DPYD: variants seen among roughly 807,000 people sequenced by gnomAD.
DPYD encodes the protein dihydropyrimidine dehydrogenase, also known as dihydropyrimidine dehydrogenase [NADP(+)].
DPYD carries 109 observed loss-of-function variants against 116.2 expected under a neutral mutation model. That is an observed-to-expected ratio of 0.94 (90% CI 0.80 to 1.10). The LOEUF (loss-of-function observed/expected upper bound fraction) is 1.10. Ranked by LOEUF, DPYD falls within the 50% of genes least tolerant of loss-of-function variation. DPYD has a pLI of 0.00. For synonymous variants in DPYD, 440 were observed against 432.0 expected (o/e 1.02, Z -0.23); for missense variants, 1,302 against 1,254.5 (o/e 1.04, Z -0.57).
intron 19 of DPYD, among the ~76,000 whole-genome samples, chr1:97,219,629 A>T (rs1660653017): frequency 6.6e-6 from 1 of 152,160 alleles, no homozygotes; most frequent in African/African-American, 2.4e-5. Flanking sequence ...GTAGCCCTAG[A>T]AGAGAGGAGA....
chr1:97,323,253 C>CA (rs1558029336), intron 16 of DPYD, among the ~76,000 whole-genome samples: 1,496 of 49,728 alleles, frequency 0.03, 619 homozygotes, highest in African/African-American at 0.04. Context: ...CATTTATATA[C>CA]TTATATACAT....
chr1:97,878,100 T>C (rs1672013585), intron 2 of DPYD, among the ~76,000 whole-genome samples: 1 of 152,012 alleles, frequency 6.6e-6, no homozygotes, highest in Non-Finnish European at 1.5e-5. Context: ...TCACCTCTCA[T>C]AGTGCTTATA....
intron 13 of DPYD, among the ~76,000 whole-genome samples, chr1:97,505,430 G>T (rs1351716534): frequency 6.7e-6 from 1 of 149,982 alleles, no homozygotes; most frequent in Non-Finnish European, 1.5e-5. Flanking sequence ...AATAAAGACA[G>T]TTCAAATGTG....
chr1:97,750,538 G>C (rs1030087125), intron 3 of DPYD, among the ~76,000 whole-genome samples: 3 of 152,104 alleles, frequency 2.0e-5, no homozygotes, highest in Non-Finnish European at 4.4e-5. Flanking sequence ...ACAAGACATA[G>C]ATGTTGACTA....
intron 7 of DPYD, among the ~76,000 whole-genome samples, chr1:97,681,462 G>A (rs1039629301): frequency 1.3e-5 from 2 of 152,058 alleles, no homozygotes; most frequent in African/African-American, 2.4e-5. Flanking sequence ...TTTTATATTG[G>A]CAGATATGGT....
chr1:97,602,565 T>C (rs1385144189), intron 8 of DPYD, among the ~76,000 whole-genome samples: 3 of 152,024 alleles, frequency 2.0e-5, no homozygotes, highest in Admixed American at 1.3e-4. Context: ...GGGTTCACCA[T>C]GCATTTTTGG....
intron 1 of DPYD, among the ~76,000 whole-genome samples, chr1:97,887,628 G>A (rs61787821): frequency 2.6e-5 from 4 of 151,796 alleles, no homozygotes; most frequent in Non-Finnish European, 4.4e-5. Flanking sequence ...ACAGAATTGT[G>A]TGATCCATAC....
At chr1:97,805,130 C>T (rs1268330582) in intron 3 of DPYD, among the ~76,000 whole-genome samples, 3 of 151,782 alleles carry the variant, frequency 2.0e-5, no homozygotes, top group African/African-American at 4.8e-5. Flanking sequence ...ATGTAGGAGA[C>T]CAACTAAAAG....
intron 20 of DPYD, among the ~76,000 whole-genome samples, chr1:97,136,038 C>T (rs887906641): frequency 2.0e-5 from 3 of 152,162 alleles, no homozygotes; most frequent in Non-Finnish European, 4.4e-5. Flanking sequence ...CGAGGAGTTA[C>T]TATCATTCCC....
rs527353147 is a variant in DPYD, at chr1:97,324,169, T to A, written c.2059-17872A>T. ...GCCTTTTCGTTTTTTGCCCATTTTCTAAGCCTGCTGTTCCTGCCTTCTTTG... is the reference window on the plus strand; with the variant it reads ...GCCTTTTCGTTTTTTGCCCATTTTCAAAGCCTGCTGTTCCTGCCTTCTTTG... On this transcript the variant is annotated intron_variant, in intron 16 of 22. Transcript: ENST00000370192. Among the ~76,000 whole-genome samples, 3 of 152,138 alleles carry A rather than the reference T, an allele frequency of 2.0e-5. No individual in the cohort carries two copies. In the East Asian group the frequency reaches 5.8e-4, roughly 30 times the overall value.
In DPYD at chr1:97,078,196, G is replaced by A. The variant is rs291593; in HGVS notation, c.*780C>T. ...TGACTATTAAAACCAGTCAGAGCCC[G>A]TATGTGCACAGCAAAAGAGTGGTAA... is the stretch of plus-strand genomic sequence containing the variant. On this transcript the variant is annotated 3_prime_UTR_variant, in exon 23 of 23. Coordinates refer to ENST00000370192, the MANE Select transcript of DPYD (RefSeq NM_000110.4). 0.29 allele frequency: 44,079 copies of A among 152,114 alleles called. 6,948 individuals are homozygous for A. The highest frequency in any genetic ancestry group is 0.61 in the East Asian group (3,133 of 5,154). The allele number at this position is 152,114 out of a possible 1,614,324, so 9.4% of individuals were successfully genotyped here. A position where few individuals can be genotyped will look rare whatever the true frequency, so the allele number is the denominator to read the frequency against.
chr1:97,515,720 T>C lies in DPYD; in HGVS notation c.1740+6A>G. The C allele has an allele frequency of 6.2e-7, 1 of 1,611,364 alleles. No individual in the cohort carries two copies. Among genetic ancestry groups the C allele is most frequent in the Non-Finnish European group, 8.5e-7 (1 of 1,178,088 alleles). On this transcript the variant is annotated splice_donor_region_variant and intron_variant, in intron 13 of 22. Coordinates refer to ENST00000370192, the MANE Select transcript of DPYD (RefSeq NM_000110.4). Reference sequence around the variant, plus strand: ...TTTCTATATGACTTCAATAATATTTTCTTACCTTATCAAGAGAGAAAGTTT... The same window carrying C: ...TTTCTATATGACTTCAATAATATTTCCTTACCTTATCAAGAGAGAAAGTTT...
rs1316177723 is a variant in DPYD at position 97,433,668 on chromosome 1, T to C, written c.1905+16391A>G. On this transcript the variant is annotated intron_variant, in intron 14 of 22. Transcript: ENST00000370192. ...ATTTCAAAGTCATAAGCTAACCATA[T>C]GGTATCTATTATCCTAGCAGTCTGA... 4.6e-5 allele frequency among the ~76,000 whole-genome samples: 7 copies of C among 152,292 alleles called. No individual in the cohort carries two copies. The East Asian group carries it at 1.4e-3, about 29-fold the overall frequency.
At chr1:97,807,020 T>G (rs905669206) in intron 3 of DPYD, among the ~76,000 whole-genome samples, 2 of 152,044 alleles carry the variant, frequency 1.3e-5, no homozygotes, top group African/African-American at 4.8e-5. Flanking sequence ...TAAATAATAT[T>G]CCTTTGTCTG....
At chr1:97,577,402 A>C (rs191440684) in intron 10 of DPYD, among the ~76,000 whole-genome samples, 1 of 152,314 alleles carries the variant, frequency 6.6e-6, no homozygotes, top group Admixed American at 6.5e-5. Flanking sequence ...CCTCTCAGTC[A>C]ATGCTTGACG....
chr1:97,496,267 A>G (rs1679259245), intron 13 of DPYD, among the ~76,000 whole-genome samples: 1 of 151,964 alleles, frequency 6.6e-6, no homozygotes, highest in South Asian at 2.1e-4. Flanking sequence ...TCCTTACTGT[A>G]TTACACTGTA....
intron 13 of DPYD, among the ~76,000 whole-genome samples, chr1:97,457,252 C>G (rs1676739182): frequency 6.6e-6 from 1 of 152,132 alleles, no homozygotes; most frequent in Non-Finnish European, 1.5e-5. Context: ...AGGAGTTTTA[C>G]TCACATATTC....
chr1:97,639,653 T>A (rs553999910), intron 8 of DPYD, among the ~76,000 whole-genome samples: 2 of 145,708 alleles, frequency 1.4e-5, no homozygotes, highest in Non-Finnish European at 3.0e-5. Context: ...CCCAATCTTA[T>A]AAATAGTCTA....
intron 12 of DPYD, 23 bp downstream of exon 12, chr1:97,549,537 T>C: frequency 6.2e-7 from 1 of 1,613,134 alleles, no homozygotes; most frequent in Non-Finnish European, 8.5e-7. Context: ...AAGAATTAAG[T>C]GGAAATGATG....
Sources: gnomAD v4.1 joint callset for allele counts (sites outside exome capture counted in the v4.1 genomes callset) on GRCh38, gnomAD v4.1.1 for gene constraint, MANE v1.5 for transcripts, NCBI Gene and HGNC (gene_info 2026-07-23, HGNC 2026-07-21) for gene names.